Variants in IMMP2L observed in about 807,000 individuals in gnomAD.
IMMP2L encodes the protein inner mitochondrial membrane peptidase subunit 2.
Under a neutral mutation model 19.3 loss-of-function variants are expected in IMMP2L, and 18 were observed. That is an observed-to-expected ratio of 0.93 (90% confidence interval 0.64 to 1.38). IMMP2L has a LOEUF of 1.38. IMMP2L is among the 40% of genes most tolerant of loss of function. The pLI, the probability that IMMP2L is intolerant of heterozygous loss-of-function variation, is 0.00. For missense variants in IMMP2L, 233 were observed against 218.2 expected (o/e 1.07, Z -0.43); for synonymous variants, 76 against 73.0 (o/e 1.04, Z -0.21).
At chr7:111,289,108 G>A (rs1820810801) in intron 3 of IMMP2L, among the ~76,000 whole-genome samples, 1 of 152,100 alleles carries the variant, frequency 6.6e-6, no homozygotes, top group Non-Finnish European at 1.5e-5. Flanking sequence ...ATGAGTTCGT[G>A]TCCTTTGCAA....
chr7:110,895,942 A>G (rs549187441), intron 4 of IMMP2L, among the ~76,000 whole-genome samples: 1 of 152,158 alleles, frequency 6.6e-6, no homozygotes, highest in East Asian at 1.9e-4. Flanking sequence ...TGCAAACACA[A>G]TCATGTTTTG....
At chr7:111,320,365 T>G (rs189904286) in intron 3 of IMMP2L, among the ~76,000 whole-genome samples, 2 of 151,652 alleles carry the variant, frequency 1.3e-5, no homozygotes, top group African/African-American at 4.9e-5. Context: ...CATGCAACTA[T>G]TCATTTCTCT....
At chr7:111,160,324 C>T (rs964886936) in intron 3 of IMMP2L, among the ~76,000 whole-genome samples, 1 of 151,910 alleles carries the variant, frequency 6.6e-6, no homozygotes, top group Non-Finnish European at 1.5e-5. Flanking sequence ...AAGGATAAAT[C>T]CCACTAACAA....
At chr7:111,096,074 G>C (rs574963270) in intron 3 of IMMP2L, among the ~76,000 whole-genome samples, 2 of 152,056 alleles carry the variant, frequency 1.3e-5, no homozygotes, top group South Asian at 2.1e-4. Flanking sequence ...GACTCAACTT[G>C]TAAGAAGGAT....
intron 3 of IMMP2L, among the ~76,000 whole-genome samples, chr7:110,996,371 G>A (rs1477134702): frequency 6.6e-6 from 1 of 152,098 alleles, no homozygotes; most frequent in Non-Finnish European, 1.5e-5. Context: ...GGAGCAGAGA[G>A]AACGAGAGGG....
At chr7:111,378,529 T>C (rs1433310505) in intron 3 of IMMP2L, among the ~76,000 whole-genome samples, 5 of 152,026 alleles carry the variant, frequency 3.3e-5, no homozygotes, top group Non-Finnish European at 7.4e-5. Flanking sequence ...GGTATTGTTA[T>C]AATCACCCAA....
chr7:111,351,110 G>A lies in IMMP2L; in HGVS notation c.239+136128C>T, dbSNP rs561223795. Among the ~76,000 whole-genome samples, 189 of 152,214 alleles carry A rather than the reference G, an allele frequency of 1.2e-3. 1 individual carries two copies. The highest frequency in any genetic ancestry group is 4.4e-3 in the African/African-American group (181 of 41,534). ...CATTTTTTGCTCAATTCGCTATTGC[G>A]TGTACACTGGGAAAAATATCTTGCA... On this transcript the variant is annotated intron_variant, in intron 3 of 5. Coordinates refer to ENST00000405709, the MANE Select transcript of IMMP2L (RefSeq NM_032549.4).
intron 5 of IMMP2L, among the ~76,000 whole-genome samples, chr7:110,768,231 G>C (rs1219096950): frequency 6.7e-6 from 1 of 149,554 alleles, no homozygotes; most frequent in Non-Finnish European, 1.5e-5. Context: ...GTGAAAAACG[G>C]AAAGAAGACC....
chr7:111,436,029 G>A (rs151306513), intron 3 of IMMP2L, among the ~76,000 whole-genome samples: 3 of 151,788 alleles, frequency 2.0e-5, no homozygotes, highest in African/African-American at 7.3e-5. Flanking sequence ...CATACCAGGT[G>A]TCCTGCCAGA....
At chr7:110,830,625 T>C (rs1038192750) in intron 5 of IMMP2L, among the ~76,000 whole-genome samples, 37 of 152,160 alleles carry the variant, frequency 2.4e-4, no homozygotes, top group Admixed American at 1.9e-3. Flanking sequence ...CACTCAGTGA[T>C]GTGAGAGGCT....
At chr7:111,552,977 C>T (rs1014103986) in intron 1 of IMMP2L, among the ~76,000 whole-genome samples, 40 of 152,224 alleles carry the variant, frequency 2.6e-4, no homozygotes, top group Non-Finnish European at 4.6e-4. Flanking sequence ...GTGAGTAAGC[C>T]ACCTTGGAAG....
chr7:110,981,567 T>C (rs1395834314), intron 3 of IMMP2L, among the ~76,000 whole-genome samples: 1 of 151,690 alleles, frequency 6.6e-6, no homozygotes, highest in African/African-American at 2.4e-5. Context: ...ACTTTTTATT[T>C]GAAAAAAAAA....
rs139892599 is a variant in IMMP2L, at chr7:110,715,726, C to T, written c.409-52005G>A. Among the ~76,000 whole-genome samples, 845 of 148,612 alleles carry T rather than the reference C, an allele frequency of 5.7e-3. 8 individuals are homozygous for T. Among genetic ancestry groups the T allele is most frequent in the African/African-American group, 0.02 (794 of 40,260 alleles). Reference sequence around the variant, plus strand: ...GGTGTAGATGAGGAGAATGTGTAGGCTGCGATTGATGGGTTGAGCGCTCTG... The same window carrying T: ...GGTGTAGATGAGGAGAATGTGTAGGTTGCGATTGATGGGTTGAGCGCTCTG... On this transcript the variant is annotated intron_variant, in intron 5 of 5. Transcript: ENST00000405709.
At chr7:111,071,662 A>G (rs1297604665) in intron 3 of IMMP2L, among the ~76,000 whole-genome samples, 5 of 152,180 alleles carry the variant, frequency 3.3e-5, no homozygotes, top group African/African-American at 1.2e-4. Flanking sequence ...CAACTATATG[A>G]AATTTCTAGA....
At chr7:111,232,326 C>T (rs1813800018) in intron 3 of IMMP2L, among the ~76,000 whole-genome samples, 1 of 150,100 alleles carries the variant, frequency 6.7e-6, no homozygotes, top group East Asian at 1.9e-4. Context: ...GCCCACAAAT[C>T]ACACAGACAT....
chr7:110,672,186 C>T (rs1039054021), intron 5 of IMMP2L, among the ~76,000 whole-genome samples: 1 of 152,026 alleles, frequency 6.6e-6, no homozygotes, highest in Non-Finnish European at 1.5e-5. Context: ...GAAGGGGAAG[C>T]AAACATGTCC....
At chr7:111,356,481 G>C (rs1584776617) in intron 3 of IMMP2L, among the ~76,000 whole-genome samples, 1 of 152,192 alleles carries the variant, frequency 6.6e-6, no homozygotes, top group East Asian at 1.9e-4. Context: ...TCAGGGATTT[G>C]AGCATCCTCG....
chr7:111,064,576 A>G (rs751779546), intron 3 of IMMP2L, among the ~76,000 whole-genome samples: 12 of 152,098 alleles, frequency 7.9e-5, no homozygotes, highest in Non-Finnish European at 1.5e-4. Context: ...CATCATCCCT[A>G]GTGATCCAAT....
chr7:111,046,225 A>C (rs2129571848), intron 3 of IMMP2L, among the ~76,000 whole-genome samples: 1 of 152,232 alleles, frequency 6.6e-6, no homozygotes, highest in South Asian at 2.1e-4. Context: ...CCAATAGATT[A>C]AATAAACTGT....
Sources: allele counts gnomAD v4.1 joint callset (sites outside exome capture counted in the v4.1 genomes callset), GRCh38; gene constraint gnomAD v4.1.1; transcripts MANE v1.5; gene names NCBI Gene and HGNC (gene_info 2026-07-23, HGNC 2026-07-21).